LMLN: variants seen among roughly 807,000 people sequenced by gnomAD.
LMLN encodes the protein leishmanolysin-like peptidase.
LMLN carries 70 observed loss-of-function variants against 92.3 expected under a neutral mutation model. That is an observed-to-expected ratio of 0.76 (90% CI 0.63 to 0.92). The LOEUF (loss-of-function observed/expected upper bound fraction) is 0.92, where lower values mean the gene tolerates loss of function less well. Among genes scored for constraint, LMLN ranks in the 40% least tolerant of loss-of-function variants. The pLI is 0.00. For missense variants in LMLN, 691 were observed against 814.6 expected (o/e 0.85, Z 1.85); for synonymous variants, 308 against 296.2 (o/e 1.04, Z -0.41).
At chr3:198,023,961 G>T (rs1488724287) in intron 13 of LMLN, among the ~76,000 whole-genome samples, 1 of 152,202 alleles carries the variant, frequency 6.6e-6, no homozygotes, top group African/African-American at 2.4e-5. Context: ...CCCCCCAAAA[G>T]TCTGCATTAT....
intron 10 of LMLN, among the ~76,000 whole-genome samples, chr3:197,997,904 T>C (rs1313913618): frequency 2.0e-5 from 3 of 152,256 alleles, no homozygotes; most frequent in Non-Finnish European, 4.4e-5. Context: ...TTAGAAAATG[T>C]AATGAGCAAC....
intron 5 of LMLN, among the ~76,000 whole-genome samples, chr3:197,978,305 G>C (rs1721461807): frequency 6.6e-6 from 1 of 152,134 alleles, no homozygotes; most frequent in Admixed American, 6.6e-5. Flanking sequence ...GATGTTCTGA[G>C]TTTTCTTATT....
At chr3:197,988,219 G>C (rs1721766819) in intron 8 of LMLN, among the ~76,000 whole-genome samples, 1 of 151,318 alleles carries the variant, frequency 6.6e-6, no homozygotes, top group African/African-American at 2.4e-5. Flanking sequence ...CCTGGGCTCA[G>C]GCAAGCTTCC....
intron 1 of LMLN, among the ~76,000 whole-genome samples, chr3:197,965,043 G>T (rs1022585932): frequency 6.6e-6 from 1 of 151,002 alleles, no homozygotes; most frequent in Non-Finnish European, 1.5e-5. Flanking sequence ...GAGACAAGGT[G>T]TCCCTCTGTC....
intron 9 of LMLN, among the ~76,000 whole-genome samples, chr3:197,991,364 C>G (rs1195688517): frequency 1.3e-5 from 2 of 151,964 alleles, no homozygotes; most frequent in African/African-American, 4.8e-5. Flanking sequence ...CCTCAGCCTC[C>G]CAAAGTGCTG....
chr3:197,975,708 G>A (rs957796143), intron 3 of LMLN, among the ~76,000 whole-genome samples: 2 of 152,160 alleles, frequency 1.3e-5, no homozygotes, highest in Non-Finnish European at 2.9e-5. Flanking sequence ...TGTTAAAGGT[G>A]TAGTATCGAA....
At chr3:197,963,074 C>T (rs1720949791) in intron 1 of LMLN, among the ~76,000 whole-genome samples, 1 of 152,090 alleles carries the variant, frequency 6.6e-6, no homozygotes. Flanking sequence ...TAATTGACAT[C>T]TAACAGTATC....
chr3:198,035,886 G>A (rs1404174018), exon 15 of LMLN: 5 of 1,614,026 alleles, frequency 3.1e-6, no homozygotes, highest in Non-Finnish European at 3.4e-6. Context: ...CTTCATATTT[G>A]TGTAGTCGGG....
intron 11 of LMLN, among the ~76,000 whole-genome samples, chr3:198,010,183 T>C (rs532567794): frequency 5.9e-5 from 9 of 152,352 alleles, no homozygotes; most frequent in Non-Finnish European, 1.3e-4. Context: ...AGATGGAGTC[T>C]CACTCTGTCG....
exon 16 of LMLN, chr3:198,041,661 T>A (rs1723408094): frequency 6.6e-6 from 1 of 152,224 alleles, no homozygotes; most frequent in Non-Finnish European, 1.5e-5. Flanking sequence ...TTGTACATAC[T>A]TTAAATTGTG....
intron 14 of LMLN, among the ~76,000 whole-genome samples, chr3:198,027,830 C>T (rs1454309428): frequency 6.6e-6 from 1 of 152,116 alleles, no homozygotes; most frequent in Non-Finnish European, 1.5e-5. Context: ...CACTGGCTTC[C>T]GCGTATCTGT....
At chr3:197,976,189 T>A in intron 4 of LMLN, 78 bp downstream of exon 4, 1 of 800,150 alleles carries the variant, frequency 1.2e-6, no homozygotes, top group Non-Finnish European at 2.0e-6. Flanking sequence ...CATGGCAAGG[T>A]ATGAAACTTA....
At chr3:198,023,011 G>A (rs1244837291) in intron 13 of LMLN, among the ~76,000 whole-genome samples, 1 of 152,064 alleles carries the variant, frequency 6.6e-6, no homozygotes, top group Admixed American at 6.6e-5. Context: ...GCTGGCAAAC[G>A]TTTTTTGTTA....
At chr3:197,984,429 T>C (rs938999743) in intron 7 of LMLN, among the ~76,000 whole-genome samples, 9 of 151,926 alleles carry the variant, frequency 5.9e-5, no homozygotes, top group African/African-American at 2.2e-4. Flanking sequence ...GATTGAAAAA[T>C]GAACAATACT....
intron 1 of LMLN, among the ~76,000 whole-genome samples, chr3:197,967,687 A>G (rs949916235): frequency 1.4e-4 from 21 of 152,206 alleles, no homozygotes; most frequent in Non-Finnish European, 2.9e-4. Context: ...TCTGACCTCA[A>G]ATTCACCAGG....
At chr3:197,985,993 A>G (rs1000862337) in intron 8 of LMLN, 103 bp downstream of exon 8, 5 of 699,052 alleles carry the variant, frequency 7.2e-6, no homozygotes, top group Middle Eastern at 2.5e-4. Flanking sequence ...TAATGTCTTC[A>G]TGGCAAACCT....
intron 11 of LMLN, among the ~76,000 whole-genome samples, chr3:198,012,364 C>T (rs1045196668): frequency 1.3e-5 from 2 of 152,212 alleles, no homozygotes; most frequent in African/African-American, 4.8e-5. Context: ...CGTGTACATT[C>T]GGACGCTGGG....
In LMLN at chr3:197,964,663, C is replaced by T. The variant is rs991430495; in HGVS notation, c.219+4223C>T. 3.4e-4 allele frequency among the ~76,000 whole-genome samples: 51 copies of T among 150,882 alleles called. 1 individual carries two copies. The highest frequency in any genetic ancestry group is 1.0e-4 in the Non-Finnish European group (7 of 67,710). ...CTGCCTGCCCTGGCCTCCCAAAGTGCTGGGATTACAGGCGTGAGCCACCAC... is the reference window on the plus strand; with the variant it reads ...CTGCCTGCCCTGGCCTCCCAAAGTGTTGGGATTACAGGCGTGAGCCACCAC... On this transcript the variant is annotated intron_variant, in intron 1 of 15. Coordinates refer to ENST00000330198, the Ensembl canonical transcript of LMLN.
At chr3:197,970,332 C>T (rs897856343) in intron 1 of LMLN, among the ~76,000 whole-genome samples, 5 of 152,054 alleles carry the variant, frequency 3.3e-5, no homozygotes, top group African/African-American at 4.8e-5. Flanking sequence ...TAGGTGGCCT[C>T]GCTAGATTCA....
Sources: gnomAD v4.1 joint callset for allele counts (sites outside exome capture counted in the v4.1 genomes callset) on GRCh38, gnomAD v4.1.1 for gene constraint, MANE v1.5 for transcripts, NCBI Gene and HGNC (gene_info 2026-07-23, HGNC 2026-07-21) for gene names.